The following KANK1 variants were observed in gnomAD, a reference collection of about 807,000 sequenced individuals.
KANK1 encodes KN motif and ankyrin repeat domains 1, also known as KN motif and ankyrin repeat domain-containing protein 1.
Under a neutral mutation model 106.2 loss-of-function variants are expected in KANK1, and 109 were observed. That is an observed-to-expected ratio of 1.03 (90% CI 0.88 to 1.20). The LOEUF (loss-of-function observed/expected upper bound fraction) is 1.20, where lower values mean the gene tolerates loss of function less well. KANK1 is among the 50% of genes most tolerant of loss of function. KANK1 has a pLI of 0.00. For synonymous variants in KANK1, 873 were observed against 652.2 expected (o/e 1.34, Z -5.16); for missense variants, 2,399 against 1,710.7 (o/e 1.40, Z -7.10).
At chr9:505,144 T>C (rs114378386) in intron 1 of KANK1, among the ~76,000 whole-genome samples, 1 of 152,002 alleles carries the variant, frequency 6.6e-6, no homozygotes, top group Non-Finnish European at 1.5e-5. Flanking sequence ...CGGCGCTCTG[T>C]CCCTCGGATG....
At chr9:517,208 G>C (rs7861835) in intron 1 of KANK1, among the ~76,000 whole-genome samples, 3 of 151,554 alleles carry the variant, frequency 2.0e-5, no homozygotes, top group Non-Finnish European at 2.9e-5. Context: ...GGTTCAAGCA[G>C]TTCTCCTGCC....
Position 602,765 on chromosome 9 carries a change from G to T in KANK1, c.-83-74125G>T, listed in dbSNP as rs560763923. On this transcript the variant is annotated intron_variant, in intron 1 of 11. Transcript: ENST00000382297. Reference sequence around the variant, plus strand: ...ACAAAATATTTTAGATTGAAAGCCTGTTCTCCTTGATGATTCAGTATAACT... The same window carrying T: ...ACAAAATATTTTAGATTGAAAGCCTTTTCTCCTTGATGATTCAGTATAACT... Among the ~76,000 whole-genome samples, 101 of 151,958 alleles carry T rather than the reference G, an allele frequency of 6.6e-4. 3 individuals are homozygous for T. The highest frequency in any genetic ancestry group is 2.4e-3 in the African/African-American group (100 of 41,238).
At chr9:639,865 C>T (rs990718721) in intron 1 of KANK1, among the ~76,000 whole-genome samples, 1 of 152,182 alleles carries the variant, frequency 6.6e-6, no homozygotes, top group Admixed American at 6.5e-5. Context: ...TATGTCCTTA[C>T]ATGGCAGATG....
At chr9:552,498 C>T (rs377400766) in intron 1 of KANK1, among the ~76,000 whole-genome samples, 15 of 152,208 alleles carry the variant, frequency 9.9e-5, no homozygotes, top group African/African-American at 3.6e-4. Context: ...TTTTTCTTTT[C>T]ACATGGCTTT....
chr9:730,113 C>G lies in KANK1; in HGVS notation c.2761C>G (p.Gln921Glu), dbSNP rs371494360. The G allele has an allele frequency of 3.1e-6, 5 of 1,614,078 alleles. No individual in the cohort carries two copies. In the African/African-American group the frequency reaches 5.3e-5, roughly 17 times the overall value. The stretch of plus-strand genomic sequence containing the variant: ...TCAGTCAGGAAGTCCCTTAAGCTCC[C>G]AGACATCCCAGCCTGAGCAAGAAGT... ...GLQSGSPLSS[Q>E]TSQPEQEVGT... The change falls in exon 4 of 12, where the codon CAG (glutamine) becomes GAG (glutamate). Residue 921 changes from glutamine (Q) to glutamate (E), a missense_variant. Coordinates refer to ENST00000382297, the MANE Select transcript of KANK1 (RefSeq NM_015158.5).
rs772374147 is a variant in KANK1 at position 740,812 on chromosome 9, C to G, written c.3574C>G (p.Gln1192Glu). The change falls in exon 9 of 12, where the codon CAG (glutamine) becomes GAG (glutamate). Residue 1192 changes from glutamine (Q) to glutamate (E), a missense_variant. By Grantham distance (29) the Gln-to-Glu change is conservative. Coordinates refer to ENST00000382297, the MANE Select transcript of KANK1 (RefSeq NM_015158.5). ...TACAGATGTGTGTAATGTGGATCACCAGAACAAGGCAGGCTACACCCCCAT... is the reference window on the plus strand; with the variant it reads ...TACAGATGTGTGTAATGTGGATCACGAGAACAAGGCAGGCTACACCCCCAT... Reference protein sequence around the residue: ...LDADVCNVDHQNKAGYTPIML... With the variant: ...LDADVCNVDHENKAGYTPIML... 1.2e-5 allele frequency: 19 copies of G among 1,612,766 alleles called. 1 individual carries two copies. In the South Asian group the frequency reaches 1.8e-4, roughly 15 times the overall value.
At chr9:744,310 C>G (rs950822161) in intron 10 of KANK1, among the ~76,000 whole-genome samples, 181 bp from the exon 11 acceptor site, 1 of 152,218 alleles carries the variant, frequency 6.6e-6, no homozygotes, top group African/African-American at 2.4e-5. Context: ...TTGCCTCATT[C>G]ATCTTCACAT....
chr9:610,070 T>A (rs1313079930), intron 1 of KANK1, among the ~76,000 whole-genome samples: 1 of 152,190 alleles, frequency 6.6e-6, no homozygotes, highest in Non-Finnish European at 1.5e-5. Flanking sequence ...ACTGACTTTC[T>A]CATGTTTAAA....
chr9:724,088 G>A (rs943558537), intron 3 of KANK1, among the ~76,000 whole-genome samples: 5 of 152,038 alleles, frequency 3.3e-5, no homozygotes, highest in Non-Finnish European at 7.4e-5. Context: ...GTGACAGAGT[G>A]AGATGCCATA....
At position 646,403 on chromosome 9, in the gene KANK1, C is replaced by T. The variant is rs544586265; in HGVS notation, c.-83-30487C>T. The stretch of plus-strand genomic sequence containing the variant: ...AGTAAAAATGTAGGTTATGTTTCTT[C>T]GTCTGAAAATAAGCTATTCTGAAAA... On this transcript the variant is annotated intron_variant, in intron 1 of 11. Transcript: ENST00000382297. Among the ~76,000 whole-genome samples the T allele has an allele frequency of 9.0e-4, 136 of 150,936 alleles. 7 individuals carry two copies. Among genetic ancestry groups the T allele is most frequent in the African/African-American group, 3.1e-3 (126 of 40,334 alleles).
At chr9:609,614 G>T (rs1391726553) in intron 1 of KANK1, among the ~76,000 whole-genome samples, 2 of 152,092 alleles carry the variant, frequency 1.3e-5, no homozygotes, top group African/African-American at 4.8e-5. Flanking sequence ...TGGGTGACAA[G>T]AGTGAGACGC....
chr9:603,451 A>T (rs1828283123), intron 1 of KANK1, among the ~76,000 whole-genome samples: 1 of 151,864 alleles, frequency 6.6e-6, no homozygotes, highest in African/African-American at 2.4e-5. Flanking sequence ...CTTCCATCTA[A>T]TGTAAAGGTT....
At chr9:688,966 C>T (rs1819217382) in intron 2 of KANK1, among the ~76,000 whole-genome samples, 1 of 152,180 alleles carries the variant, frequency 6.6e-6, no homozygotes, top group Non-Finnish European at 1.5e-5. Context: ...CTACAGACCT[C>T]ACCTCTTTTA....
chr9:604,172 G>C (rs536406577), intron 1 of KANK1, among the ~76,000 whole-genome samples: 2 of 151,548 alleles, frequency 1.3e-5, no homozygotes, highest in African/African-American at 4.9e-5. Context: ...TGATTATTCT[G>C]GTCCTTAAAT....
intron 6 of KANK1, 180 bp downstream of exon 6, chr9:732,797 A>G (rs1020039897): frequency 2.9e-5 from 17 of 591,892 alleles, no homozygotes; most frequent in Non-Finnish European, 4.8e-5. Context: ...TAGATCTCTT[A>G]TGGTAGAATG....
intron 1 of KANK1, among the ~76,000 whole-genome samples, chr9:556,150 A>T (rs11999231): frequency 0.073 from 11,071 of 152,302 alleles, 1,108 homozygotes; most frequent in East Asian, 0.22. Context: ...GAAGCATTTT[A>T]AAAAATCTTA....
At chr9:503,301 C>T (rs550547917), upstream of KANK1, among the ~76,000 whole-genome samples, 5 of 152,208 alleles carry the variant, frequency 3.3e-5, no homozygotes, top group African/African-American at 1.2e-4. Context: ...CCCTACTCTA[C>T]AGACGAAAAA....
chr9:516,817 C>T (rs929546492), intron 1 of KANK1, among the ~76,000 whole-genome samples: 7 of 151,614 alleles, frequency 4.6e-5, no homozygotes, highest in Admixed American at 1.3e-4. Context: ...CACTAGTTAT[C>T]ATTATAGTGG....
At chr9:656,233 T>C (rs1030980127) in intron 1 of KANK1, among the ~76,000 whole-genome samples, 2 of 151,940 alleles carry the variant, frequency 1.3e-5, no homozygotes, top group African/African-American at 2.4e-5. Flanking sequence ...CGTGGTGGAG[T>C]TGAGACCTTG....
Sources: allele counts gnomAD v4.1 joint callset (sites outside exome capture counted in the v4.1 genomes callset), GRCh38; gene constraint gnomAD v4.1.1; transcripts MANE v1.5; gene names NCBI Gene and HGNC (gene_info 2026-07-23, HGNC 2026-07-21).